The following ZNF597 variants were observed in gnomAD, a reference collection of about 807,000 sequenced individuals.
ZNF597 encodes the protein zinc finger protein 597.
ZNF597 carries 5 observed loss-of-function variants against 7.3 expected under a neutral mutation model. The observed-to-expected ratio is 0.68, with a 90% confidence interval of 0.36 to 1.44. ZNF597 has a LOEUF of 1.44. Among genes scored for constraint, ZNF597 ranks in the 40% most tolerant of loss-of-function variants. The pLI, the probability that ZNF597 is intolerant of heterozygous loss-of-function variation, is 0.04. For missense variants in ZNF597, 585 were observed against 517.9 expected (o/e 1.13, Z -1.26); for synonymous variants, 209 against 185.4 (o/e 1.13, Z -1.04).
rs374846157 is a variant in ZNF597 at position 3,436,412 on chromosome 16, G to T, written c.*12C>A. 4,436 of 1,608,982 alleles carry T rather than the reference G, an allele frequency of 2.8e-3. 24 individuals carry two copies. The highest frequency in any genetic ancestry group is 3.0e-3 in the Non-Finnish European group (3,509 of 1,177,116). ...AAAGCCCAATCACTAATAACAATTT[G>T]TTATATTTACTTTACGTGGTGTTTT... On this transcript the variant is annotated 3_prime_UTR_variant, in exon 4 of 4. Transcript: ENST00000301744.
In ZNF597 at chr16:3,436,116, T is replaced by C; in HGVS notation, c.*308A>G. The C allele has an allele frequency of 3.5e-6, 1 of 283,946 alleles. No individual in the cohort carries two copies. The highest frequency in any genetic ancestry group is 4.7e-5 in the Admixed American group (1 of 21,372). The allele number at this position is 283,946 out of a possible 1,614,324, so 17.6% of individuals were successfully genotyped here. A position where few individuals can be genotyped will look rare whatever the true frequency, so the allele number is the denominator to read the frequency against. On this transcript the variant is annotated 3_prime_UTR_variant, in exon 4 of 4. Transcript: ENST00000301744. ...TACGTAAACAAAATTAAAATAACTT[T>C]AGCAAGAGCCTTCATTTTAATGAAA...
intron 3 of ZNF597, among the ~76,000 whole-genome samples, chr16:3,439,727 C>T (rs577535643): frequency 7.2e-5 from 11 of 152,088 alleles, no homozygotes; most frequent in East Asian, 3.9e-4. Context: ...AACGAAATCC[C>T]GGGTCCAACA....
rs543277951 is a variant in ZNF597, at chr16:3,441,745, C to T, written c.34-812G>A. Among the ~76,000 whole-genome samples the T allele has an allele frequency of 2.2e-4, 34 of 151,748 alleles. No individual in the cohort carries two copies. The East Asian group carries it at 2.3e-3, about 10-fold the overall frequency. On this transcript the variant is annotated intron_variant, in intron 2 of 3. Coordinates refer to ENST00000301744, the MANE Select transcript of ZNF597 (RefSeq NM_152457.3). ...CTGCACTCCAGCCTGGGCAACAGAG[C>T]GACACTCCATCTCAAAAACAAAAAC...
intron 3 of ZNF597, among the ~76,000 whole-genome samples, chr16:3,439,823 A>C (rs190182520): frequency 2.6e-5 from 4 of 152,346 alleles, no homozygotes; most frequent in Admixed American, 2.6e-4. Context: ...ACTAGAAGAC[A>C]AATCAATCAA....
chr16:3,443,482 A>T lies in ZNF597; in HGVS notation c.-176T>A. 1 of 514,340 alleles carries T rather than the reference A, an allele frequency of 1.9e-6. No individual in the cohort carries two copies. The highest frequency in any genetic ancestry group is 3.4e-6 in the Non-Finnish European group (1 of 294,920). The allele number at this position is 514,340 out of a possible 1,614,324, so 31.9% of individuals were successfully genotyped here. On this transcript the variant is annotated 5_prime_UTR_variant, in exon 1 of 4. Transcript: ENST00000301744. Reference sequence around the variant, plus strand: ...AACTCCCACGCTCTCATGCTCCTTTACGCAGGAGCTGCGGGAAAAGCCGCC... The same window carrying T: ...AACTCCCACGCTCTCATGCTCCTTTTCGCAGGAGCTGCGGGAAAAGCCGCC...
chr16:3,440,781 A>G, intron 3 of ZNF597, 26 bp downstream of exon 3: 1 of 1,612,160 alleles, frequency 6.2e-7, no homozygotes, highest in Non-Finnish European at 8.5e-7. Flanking sequence ...CAAAAGTTCC[A>G]GATGCAGGAA....
At chr16:3,438,779 T>C (rs903380429) in intron 3 of ZNF597, among the ~76,000 whole-genome samples, 3 of 152,178 alleles carry the variant, frequency 2.0e-5, no homozygotes, top group Non-Finnish European at 4.4e-5. Flanking sequence ...CTTACAAGAA[T>C]GGCTGACAAA....
intron 2 of ZNF597, 141 bp from the exon 3 acceptor site, chr16:3,441,074 G>A: frequency 2.5e-6 from 3 of 1,191,782 alleles, no homozygotes; most frequent in Non-Finnish European, 3.4e-6. Flanking sequence ...GCAGAAGTAG[G>A]GCAAATGGGT....
At chr16:3,438,455 C>T (rs989786899) in intron 3 of ZNF597, among the ~76,000 whole-genome samples, 5 of 151,834 alleles carry the variant, frequency 3.3e-5, no homozygotes, top group South Asian at 4.2e-4. Context: ...CCCAGCTACT[C>T]GGGAGGCTGA....
Position 3,436,896 on chromosome 16 carries a change from T to G in ZNF597, c.803A>C (p.Tyr268Ser). ...ATGTTTATCACAGTTAGTAGATTCG[T>G]AGGTGTTTTCAGCACTGTGGCTTTT... ...HQKSHSAENT[Y>S]ESTNCDKHFN... Residue 268 changes from tyrosine (Y) to serine (S), a missense_variant, in exon 4 of 4, where the codon TAC (tyrosine) becomes TCC (serine). By Grantham distance (144) the Tyr-to-Ser change is moderately radical (BLOSUM62 -2). Transcript: ENST00000301744. 1 of 1,614,218 alleles carries G rather than the reference T, an allele frequency of 6.2e-7. No homozygotes were observed. The highest frequency in any genetic ancestry group is 1.1e-5 in the South Asian group (1 of 91,080).
intron 2 of ZNF597, among the ~76,000 whole-genome samples, chr16:3,441,302 C>A (rs992783618): frequency 6.6e-6 from 1 of 151,688 alleles, no homozygotes; most frequent in Non-Finnish European, 1.5e-5. Flanking sequence ...AATCCCAACA[C>A]TTTGGGAGTC....
At chr16:3,442,199 C>T (rs909499350) in intron 2 of ZNF597, among the ~76,000 whole-genome samples, 9 of 152,070 alleles carry the variant, frequency 5.9e-5, no homozygotes, top group Non-Finnish European at 1.0e-4. Flanking sequence ...TATTACTCAA[C>T]GAGTGTGGAG....
At position 3,437,117 on chromosome 16, in the gene ZNF597, A is replaced by G. The variant is rs193000012; in HGVS notation, c.582T>C (p.Asn194=). The G allele has an allele frequency of 8.6e-5, 139 of 1,614,144 alleles. No homozygotes were observed. The highest frequency in any genetic ancestry group is 1.8e-4 in the Admixed American group (11 of 60,012). ...TGTGTGTCCTCAGGTTGGCTCTATG[A>G]TTGAAGATCTTTCCACAGTCACCAC... The part of the protein sequence containing the change: ...HKCGDCGKIF[N]HRANLRTHRR... Residue 194 remains asparagine (N), a synonymous_variant, in exon 4 of 4, where the codon AAT becomes AAC. Coordinates refer to ENST00000301744, the MANE Select transcript of ZNF597 (RefSeq NM_152457.3).
rs753770878 is a variant in ZNF597 at position 3,436,532 on chromosome 16, C to G, written c.1167G>C (p.Lys389Asn). ...ALDSELACHQ[K>N]SHMLAEPFKC... ...TAAAAGGTTCCGCTAGCATGTGGCT[C>G]TTCTGGTGGCATGCAAGTTCTGAGT... The change falls in exon 4 of 4, where the codon AAG becomes AAC. Residue 389 changes from lysine to asparagine, a missense_variant. Transcript: ENST00000301744. 1 of 1,614,144 alleles carries G rather than the reference C, an allele frequency of 6.2e-7. No homozygotes were observed. Among genetic ancestry groups the G allele is most frequent in the East Asian group, 2.2e-5 (1 of 44,892 alleles).
rs2034313489 is a variant in ZNF597 at position 3,437,167 on chromosome 16, G to C, written c.532C>G (p.His178Asp). The change falls in exon 4 of 4, where the codon CAT becomes GAT. Residue 178 changes from histidine (H) to aspartate (D), a missense_variant. Coordinates refer to ENST00000301744, the MANE Select transcript of ZNF597 (RefSeq NM_152457.3). ...HSYLVLHQKIHSGEKKHKCGD... is the reference protein window; with the variant it reads ...HSYLVLHQKIDSGEKKHKCGD... ...CATTTATGTTTTTTCTCTCCTGAATGAATTTTCTGATGCAAAACTAGGTAT... is the reference window on the plus strand; with the variant it reads ...CATTTATGTTTTTTCTCTCCTGAATCAATTTTCTGATGCAAAACTAGGTAT... The C allele has an allele frequency of 1.9e-6, 3 of 1,614,144 alleles. No homozygotes were observed. The highest frequency in any genetic ancestry group is 1.7e-6 in the Non-Finnish European group (2 of 1,180,036).
intron 2 of ZNF597, 122 bp downstream of exon 2, chr16:3,442,999 G>A (rs996441035): frequency 4.4e-6 from 5 of 1,148,222 alleles, no homozygotes; most frequent in Non-Finnish European, 6.5e-6. Context: ...TGGTCAAAGG[G>A]CTATTTGGGG....
At position 3,432,980 on chromosome 16, in the gene ZNF597, T is replaced by C. The variant is rs543003610; in HGVS notation, c.*3444A>G. On this transcript the variant is annotated 3_prime_UTR_variant, in exon 4 of 4. Transcript: ENST00000301744. ...ACATAGGCAGTAAATTGCAGATTACTTTGATCAAACTCTGCAGTTTCAGAT... is the reference window on the plus strand; with the variant it reads ...ACATAGGCAGTAAATTGCAGATTACCTTGATCAAACTCTGCAGTTTCAGAT... The C allele has an allele frequency of 6.6e-6, 1 of 152,376 alleles. No homozygotes were observed. Among genetic ancestry groups the C allele is most frequent in the African/African-American group, 2.4e-5 (1 of 41,592 alleles). The allele number at this position is 152,376 out of a possible 1,614,324, so 9.4% of individuals were successfully genotyped here.
At chr16:3,441,058 T>G in intron 2 of ZNF597, 125 bp from the exon 3 acceptor site, 1 of 1,398,208 alleles carries the variant, frequency 7.2e-7, no homozygotes, top group Non-Finnish European at 9.5e-7. Flanking sequence ...TAAAAGGTTC[T>G]TGAGCGCAGA....
chr16:3,440,079 G>A (rs969918160), intron 3 of ZNF597, among the ~76,000 whole-genome samples: 7 of 152,110 alleles, frequency 4.6e-5, no homozygotes, highest in African/African-American at 1.7e-4. Context: ...AGAATAGATA[G>A]TTTAGATACT....
Sources: gnomAD v4.1 joint callset for allele counts (sites outside exome capture counted in the v4.1 genomes callset) on GRCh38, gnomAD v4.1.1 for gene constraint, MANE v1.5 for transcripts, NCBI Gene and HGNC (gene_info 2026-07-23, HGNC 2026-07-21) for gene names.